Variants in MINDY4 observed in about 807,000 individuals in gnomAD.
MINDY4 encodes the protein probable ubiquitin carboxyl-terminal hydrolase MINDY-4.
Under a neutral mutation model 87.0 loss-of-function variants are expected in MINDY4, and 68 were observed. That is an observed-to-expected ratio of 0.78 (90% CI 0.64 to 0.96). The LOEUF is 0.96. Among genes scored for constraint, MINDY4 ranks in the 40% least tolerant of loss-of-function variants. The pLI, the probability that MINDY4 is intolerant of heterozygous loss-of-function variation, is 0.00. For synonymous variants in MINDY4, 379 were observed against 363.2 expected (o/e 1.04, Z -0.50); for missense variants, 919 against 928.2 (o/e 0.99, Z 0.13).
At chr7:30,880,582 G>A (rs558366545) in intron 15 of MINDY4, among the ~76,000 whole-genome samples, 2 of 152,272 alleles carry the variant, frequency 1.3e-5, no homozygotes, top group South Asian at 2.1e-4. Flanking sequence ...TCCCTGCCGT[G>A]AATGAATGCT....
At chr7:30,781,399 A>G (rs1304830626) in intron 2 of MINDY4, 1 of 152,386 alleles carries the variant, frequency 6.6e-6, no homozygotes, top group Admixed American at 6.5e-5. Flanking sequence ...GTTTAATTCC[A>G]AAACCTACTA....
chr7:30,883,183 T>G (rs1790524838), intron 17 of MINDY4, among the ~76,000 whole-genome samples, 190 bp downstream of exon 17: 1 of 152,168 alleles, frequency 6.6e-6, no homozygotes, highest in Non-Finnish European at 1.5e-5. Context: ...GAGTGTGTGG[T>G]CTGCAGTGGT....
At chr7:30,775,525 G>A (rs10243915) in intron 1 of MINDY4, among the ~76,000 whole-genome samples, 40,359 of 152,054 alleles carry the variant, frequency 0.27, 5,895 homozygotes, top group East Asian at 0.52. Context: ...AGGAGATTTT[G>A]TGTCAATTCT....
chr7:30,809,610 A>G (rs1233871606), intron 5 of MINDY4, among the ~76,000 whole-genome samples: 1 of 152,128 alleles, frequency 6.6e-6, no homozygotes, highest in Admixed American at 6.6e-5. Flanking sequence ...AGGTCTTATT[A>G]ATAGCAAAGG....
intron 1 of MINDY4, among the ~76,000 whole-genome samples, chr7:30,772,099 T>A (rs932593526): frequency 6.6e-6 from 1 of 152,260 alleles, no homozygotes; most frequent in Non-Finnish European, 1.5e-5. Context: ...GGAGAGTTTT[T>A]GCAGTGTTCA....
At chr7:30,781,952 A>ATT (rs146709199) in intron 2 of MINDY4, 25 bp from the exon 3 acceptor site, 5 of 1,508,310 alleles carry the variant, frequency 3.3e-6, no homozygotes, top group African/African-American at 1.4e-5. Flanking sequence ...TAAATTAATG[A>ATT]TTTTTTTTTC....
At position 30,827,618 on chromosome 7, in the gene MINDY4, G is replaced by A. The variant is rs1788551838; in HGVS notation, c.1074-1061G>A. On this transcript the variant is annotated intron_variant, in intron 5 of 17. Transcript: ENST00000265299. ...TTGAATTAAGGCAAATGACTTGACTGAGTTGAGGAGGACACATGGAGGATG... is the reference window on the plus strand; with the variant it reads ...TTGAATTAAGGCAAATGACTTGACTAAGTTGAGGAGGACACATGGAGGATG... Among the ~76,000 whole-genome samples, 4 of 152,198 alleles carry A rather than the reference G, an allele frequency of 2.6e-5. No homozygotes were observed. The South Asian group carries it at 8.3e-4, about 32-fold the overall frequency.
rs1212182420 is a variant in MINDY4, at chr7:30,850,490, C to T, written c.1482C>T (p.Cys494=). 6 of 1,612,592 alleles carry T rather than the reference C, an allele frequency of 3.7e-6. No homozygotes were observed. The South Asian group carries it at 5.5e-5, about 15-fold the overall frequency. Residue 494 remains cysteine (C), a synonymous_variant, in exon 10 of 18, where the codon TGC becomes TGT. Coordinates refer to ENST00000265299, the MANE Select transcript of MINDY4 (RefSeq NM_032222.3). ...CTTCAGATGCCCACCGGACCCGCTG[C>T]CTCGTCCTGGCCCTCGCAGACATTG... ...LQPSDAHRTR[C]LVLALADIVW... is the part of the protein sequence containing the mutation.
At chr7:30,806,877 C>T (rs1787824462) in intron 5 of MINDY4, among the ~76,000 whole-genome samples, 1 of 152,242 alleles carries the variant, frequency 6.6e-6, no homozygotes, top group South Asian at 2.1e-4. Context: ...CTCCACTTGC[C>T]TAGGCCCATG....
intron 7 of MINDY4, among the ~76,000 whole-genome samples, chr7:30,837,658 G>A (rs889314258): frequency 2.0e-5 from 3 of 152,180 alleles, no homozygotes; most frequent in Non-Finnish European, 4.4e-5. Flanking sequence ...CATGCAATGA[G>A]TCTTTGCAGA....
intron 9 of MINDY4, among the ~76,000 whole-genome samples, chr7:30,842,453 G>A (rs577012509): frequency 3.3e-5 from 5 of 152,286 alleles, no homozygotes; most frequent in South Asian, 2.1e-4. Context: ...AGTAAGAACC[G>A]CTGGCTGCCC....
At chr7:30,819,740 A>G (rs1291189059) in intron 5 of MINDY4, among the ~76,000 whole-genome samples, 1 of 152,122 alleles carries the variant, frequency 6.6e-6, no homozygotes, top group Non-Finnish European at 1.5e-5. Context: ...AAGTAAGTTT[A>G]TCACTAATAA....
intron 17 of MINDY4, among the ~76,000 whole-genome samples, chr7:30,885,689 AG>A (rs1255154265): frequency 4.0e-5 from 6 of 150,838 alleles, no homozygotes; most frequent in African/African-American, 1.5e-4. Context: ...TTTGAGAACC[AG>A]GTAAGGGCAG....
chr7:30,816,316 C>T (rs1324658297), intron 5 of MINDY4, among the ~76,000 whole-genome samples: 3 of 152,180 alleles, frequency 2.0e-5, no homozygotes, highest in Non-Finnish European at 2.9e-5. Context: ...ATTTGTTCTC[C>T]GTTCCTGGAA....
intron 6 of MINDY4, among the ~76,000 whole-genome samples, chr7:30,833,850 C>T (rs1026473270): frequency 2.0e-5 from 3 of 152,238 alleles, no homozygotes; most frequent in South Asian, 4.1e-4. Context: ...TCCAGCAGGG[C>T]AGTCAAATCT....
chr7:30,879,999 G>C (rs754286918), intron 15 of MINDY4, among the ~76,000 whole-genome samples: 1 of 152,146 alleles, frequency 6.6e-6, no homozygotes, highest in East Asian at 1.9e-4. Flanking sequence ...GAAATGTGTG[G>C]GTTTGATTAT....
intron 15 of MINDY4, among the ~76,000 whole-genome samples, chr7:30,881,950 G>C (rs1375583649): frequency 6.6e-6 from 1 of 152,142 alleles, no homozygotes; most frequent in Non-Finnish European, 1.5e-5. Context: ...CCGGGTCTCA[G>C]GTCTGTATGG....
chr7:30,850,627 T>C (rs1257437741), intron 10 of MINDY4, 72 bp downstream of exon 10: 1 of 1,374,304 alleles, frequency 7.3e-7, no homozygotes, highest in Non-Finnish European at 1.0e-6. Flanking sequence ...TGGCTGTGTA[T>C]GCTCCTATCC....
intron 8 of MINDY4, among the ~76,000 whole-genome samples, chr7:30,840,503 T>A (rs181603918): frequency 6.6e-6 from 1 of 152,324 alleles, no homozygotes; most frequent in Admixed American, 6.5e-5. Context: ...GCTGACTGGT[T>A]ATGAGGAGTC....
Sources: gnomAD v4.1 joint callset for allele counts (sites outside exome capture counted in the v4.1 genomes callset) on GRCh38, gnomAD v4.1.1 for gene constraint, MANE v1.5 for transcripts, NCBI Gene and HGNC (gene_info 2026-07-23, HGNC 2026-07-21) for gene names.